The following GGT1 variants were observed in gnomAD, a reference collection of about 807,000 sequenced individuals.
GGT1 encodes the protein glutathione hydrolase 1 proenzyme.
A neutral mutation model predicts 56.0 loss-of-function variants in GGT1; 21 were observed. That is an observed-to-expected ratio of 0.38 (90% CI 0.27 to 0.54). GGT1 has a LOEUF of 0.54. Among genes scored for constraint, GGT1 ranks in the 20% least tolerant of loss-of-function variants. GGT1 has a pLI of 0.82. For missense variants in GGT1, 466 were observed against 787.0 expected, an observed-to-expected ratio of 0.59 and a Z score of 4.88; for synonymous variants, 238 against 342.6, an observed-to-expected ratio of 0.69 and a Z score of 3.37.
chr22:24,624,380 C>T (rs879184426), intron 11 of GGT1: 16 of 985,274 alleles, frequency 1.6e-5, no homozygotes, highest in Admixed American at 6.1e-5. Flanking sequence ...CACACTGGGT[C>T]CCTATAAGAC....
chr22:24,603,895 G>A (rs149913395), intron 1 of GGT1, among the ~76,000 whole-genome samples: 3,976 of 152,014 alleles, frequency 0.026, 167 homozygotes, highest in African/African-American at 0.09. Context: ...CCGGTTGTGC[G>A]AGGGGTCATT....
the GGT1 span, chr22:24,588,122 C>G: frequency 9.8e-7 from 1 of 1,023,516 alleles, no homozygotes; most frequent in South Asian, 1.4e-5. Context: ...GGTGGGATTT[C>G]AGCACCAGCC....
intron 11 of GGT1, chr22:24,624,378 G>A (rs2047618231): frequency 1.0e-6 from 1 of 985,310 alleles, no homozygotes; most frequent in Admixed American, 6.1e-5. Context: ...TCCACACTGG[G>A]TCCCTATAAG....
chr22:24,586,265 G>A, the GGT1 span: 188 of 1,613,878 alleles, frequency 1.2e-4, 2 homozygotes, highest in African/African-American at 1.8e-3. Context: ...ACTCAGCCCC[G>A]TGAAGCTCAG....
In GGT1 at chr22:24,620,130, C is replaced by T. The variant is rs4049842; in HGVS notation, c.383-198C>T. Among the ~76,000 whole-genome samples, 16 of 152,004 alleles carry T rather than the reference C, an allele frequency of 1.1e-4. No individual in the cohort carries two copies. The highest frequency in any genetic ancestry group is 1.6e-4 in the Non-Finnish European group (11 of 68,014). ...ACTCAGGAGGCTGAGGTGGGAGGAT[C>T]GCTTGAATCCAGGAGTTCGAGATCG... On this transcript the variant is annotated intron_variant, in intron 7 of 15. Coordinates refer to ENST00000400382, the MANE Select transcript of GGT1 (RefSeq NM_001288833.2). This position sits in a 1 kb window ranked among gnomAD's most constrained non-coding sequence, Gnocchi z 5.6.
chr22:24,591,150 G>A (rs1045285050), upstream of GGT1, among the ~76,000 whole-genome samples: 2 of 152,246 alleles, frequency 1.3e-5, no homozygotes, highest in Non-Finnish European at 2.9e-5. Context: ...TGCGAGGTCA[G>A]CTCACCGCAA....
Position 24,605,237 on chromosome 22 carries a change from T to C in GGT1, c.-429+1710T>C, listed in dbSNP as rs1446131815. Among the ~76,000 whole-genome samples, 12 of 54,772 alleles carry C rather than the reference T, an allele frequency of 2.2e-4. 4 individuals carry two copies. The highest frequency in any genetic ancestry group is 5.7e-5 in the Non-Finnish European group (2 of 34,884). The allele number at this position is 54,772 out of a possible 152,430, so 35.9% of individuals were successfully genotyped here. A position where few individuals can be genotyped will look rare whatever the true frequency, so the allele number is the denominator to read the frequency against. Reference sequence around the variant, plus strand: ...TATATATTATATAATATGTATTATATTATATATTATATAATATGTATTATA... The same window carrying C: ...TATATATTATATAATATGTATTATACTATATATTATATAATATGTATTATA... On this transcript the variant is annotated intron_variant, in intron 1 of 15. Transcript: ENST00000400382.
At chr22:24,602,597 C>T (rs1204921235), upstream of GGT1, among the ~76,000 whole-genome samples, 2 of 152,144 alleles carry the variant, frequency 1.3e-5, no homozygotes, top group African/African-American at 2.4e-5. Context: ...CCCCTGCTTC[C>T]GTTGCCTGGG....
chr22:24,623,379 A>G (rs1180033843), intron 10 of GGT1, 123 bp downstream of exon 10: 6 of 1,230,730 alleles, frequency 4.9e-6, no homozygotes, highest in Non-Finnish European at 5.8e-6. Flanking sequence ...TGAGCTCCCG[A>G]GGTGTGTCCC....
At chr22:24,592,881 C>T (rs1166787775), upstream of GGT1, 13 of 1,283,018 alleles carry the variant, frequency 1.0e-5, no homozygotes, top group Non-Finnish European at 7.9e-6. Flanking sequence ...GGAGGCGCAG[C>T]AGCTGCCGGG....
the GGT1 span, chr22:24,588,648 T>C: frequency 8.8e-7 from 1 of 1,138,342 alleles, no homozygotes; most frequent in Admixed American, 3.7e-5. Flanking sequence ...GCCGGCTGCC[T>C]GCCCACCCTC....
At chr22:24,602,750 T>C (rs1335541467), upstream of GGT1, among the ~76,000 whole-genome samples, 5 of 152,132 alleles carry the variant, frequency 3.3e-5, no homozygotes. Context: ...TCCTGCAAGC[T>C]GGGGAGAGGG....
rs1491437175 is a variant in GGT1, at chr22:24,605,821, ATT to A, written c.-428-2132_-428-2131del. On this transcript the variant is annotated intron_variant, in intron 1 of 15. Transcript: ENST00000400382. Reference sequence around the variant, plus strand: ...ATATGATGTGTATTATATATTATATATTATATGATGTGTATTATATATTATAT... The same window carrying A: ...ATATGATGTGTATTATATATTATATAATATGATGTGTATTATATATTATAT... 1.4e-4 allele frequency among the ~76,000 whole-genome samples: 10 copies of A among 73,512 alleles called. 2 individuals carry two copies. The highest frequency in any genetic ancestry group is 7.3e-4 in the African/African-American group (10 of 13,772). 48.2% of individuals were successfully genotyped at this position (73,512 alleles called of 152,430 possible). A position where few individuals can be genotyped will look rare whatever the true frequency, so the allele number is the denominator to read the frequency against.
At chr22:24,588,741 A>G in the GGT1 span, 2 of 1,051,122 alleles carry the variant, frequency 1.9e-6, no homozygotes, top group South Asian at 3.4e-5. Flanking sequence ...CGCCAATCCC[A>G]GGGAGTAGGA....
Position 24,620,131 on chromosome 22 carries a change from G to A in GGT1, c.383-197G>A, listed in dbSNP as rs1407319558. On this transcript the variant is annotated intron_variant, in intron 7 of 15. Transcript: ENST00000400382. The surrounding 1 kb of genome is among the most constrained non-coding windows in gnomAD (Gnocchi z 5.6). ...CTCAGGAGGCTGAGGTGGGAGGATC[G>A]CTTGAATCCAGGAGTTCGAGATCGG... 2.0e-5 allele frequency among the ~76,000 whole-genome samples: 3 copies of A among 152,156 alleles called. No individual in the cohort carries two copies. The highest frequency in any genetic ancestry group is 6.5e-5 in the Admixed American group (1 of 15,280).
At chr22:24,591,374 T>A (rs1315643160), upstream of GGT1, among the ~76,000 whole-genome samples, 1 of 152,256 alleles carries the variant, frequency 6.6e-6, no homozygotes, top group African/African-American at 2.4e-5. Context: ...CCACTGCATC[T>A]GGCCCAGAGG....
chr22:24,603,730 A>G (rs1411180909), intron 1 of GGT1, among the ~76,000 whole-genome samples: 5 of 149,092 alleles, frequency 3.4e-5, no homozygotes, highest in African/African-American at 1.2e-4. Flanking sequence ...ATGAACAGAC[A>G]GGCCCTGGAG....
At chr22:24,613,428 A>G (rs535177265) in intron 5 of GGT1, among the ~76,000 whole-genome samples, 90 of 152,192 alleles carry the variant, frequency 5.9e-4, no homozygotes, top group Non-Finnish European at 1.2e-3. Context: ...TCCCAGTTAT[A>G]AAAGTCATGT....
intron 7 of GGT1, among the ~76,000 whole-genome samples, chr22:24,618,436 C>T (rs2047203446): frequency 6.6e-6 from 1 of 152,050 alleles, no homozygotes; most frequent in African/African-American, 2.4e-5. Context: ...ACTAAAAATA[C>T]AAAAATTAGC....
Sources: gnomAD v4.1 joint callset for allele counts (sites outside exome capture counted in the v4.1 genomes callset) on GRCh38, gnomAD v4.1.1 for gene constraint, Gnocchi (gnomAD v3.1) non-coding constraint, MANE v1.5 for transcripts, NCBI Gene and HGNC (gene_info 2026-07-23, HGNC 2026-07-21) for gene names.